Variants in NT5C2 observed in about 807,000 individuals in gnomAD.
The protein encoded by NT5C2 is cytosolic purine 5'-nucleotidase.
A neutral mutation model predicts 76.1 loss-of-function variants in NT5C2; 58 were observed. That is an observed-to-expected ratio of 0.76 (90% CI 0.62 to 0.95). The LOEUF (loss-of-function observed/expected upper bound fraction) is 0.95. Among genes scored for constraint, NT5C2 ranks in the 40% least tolerant of loss-of-function variants. NT5C2 has a pLI of 0.00. For synonymous variants in NT5C2, 229 were observed against 237.4 expected (o/e 0.96, Z 0.32); for missense variants, 478 against 690.3 (o/e 0.69, Z 3.45).
intron 6 of NT5C2, among the ~76,000 whole-genome samples, chr10:103,102,940 C>G (rs559113523): frequency 6.6e-6 from 1 of 151,554 alleles, no homozygotes; most frequent in South Asian, 2.1e-4. Context: ...GATGAAACCA[C>G]TTAGTGTGCA....
chr10:103,092,344 T>A (rs1228971255), intron 15 of NT5C2, among the ~76,000 whole-genome samples: 1 of 138,250 alleles, frequency 7.2e-6, no homozygotes, highest in Non-Finnish European at 1.6e-5. Flanking sequence ...GAGCCTTGGT[T>A]GAGAAAGGCT....
chr10:103,095,459 C>A (rs1475147633), intron 12 of NT5C2, among the ~76,000 whole-genome samples: 1 of 152,158 alleles, frequency 6.6e-6, no homozygotes, highest in South Asian at 2.1e-4. Context: ...TAAGTGCAGC[C>A]GTACTGCAGA....
At chr10:103,150,146 G>A (rs931727778) in intron 3 of NT5C2, among the ~76,000 whole-genome samples, 5 of 152,110 alleles carry the variant, frequency 3.3e-5, no homozygotes, top group African/African-American at 1.2e-4. Context: ...ATACACTCAT[G>A]CAACAACTAC....
At position 103,181,286 on chromosome 10, in the gene NT5C2, A is replaced by G. The variant is rs1012513209; in HGVS notation, c.-126T>C. 1 of 151,606 alleles carries G rather than the reference A, an allele frequency of 6.6e-6. No individual in the cohort carries two copies. The highest frequency in any genetic ancestry group is 2.4e-5 in the African/African-American group (1 of 41,216). The allele number at this position is 151,606 out of a possible 1,614,324, so 9.4% of individuals were successfully genotyped here. On this transcript the variant is annotated 5_prime_UTR_variant, in exon 2 of 19. Coordinates refer to ENST00000404739, the MANE Select transcript of NT5C2 (RefSeq NM_001351169.2). ...GGCGAATGGATCACTTGACGTCAGGAGATCACATCACTGTACTCCAGCCTG... is the reference window on the plus strand; with the variant it reads ...GGCGAATGGATCACTTGACGTCAGGGGATCACATCACTGTACTCCAGCCTG...
At chr10:103,174,467 A>G (rs767991084) in intron 3 of NT5C2, among the ~76,000 whole-genome samples, 6 of 152,220 alleles carry the variant, frequency 3.9e-5, no homozygotes, top group Non-Finnish European at 5.9e-5. Context: ...GCTACTCAGG[A>G]GGCTGAGGCA....
chr10:103,119,213 T>C (rs1313593870), intron 4 of NT5C2, among the ~76,000 whole-genome samples: 1 of 151,988 alleles, frequency 6.6e-6, no homozygotes, highest in Non-Finnish European at 1.5e-5. Flanking sequence ...CTACTAAAAA[T>C]ACAAAATTAG....
intron 4 of NT5C2, among the ~76,000 whole-genome samples, chr10:103,108,576 A>G (rs2072031970): frequency 6.6e-6 from 1 of 152,240 alleles, no homozygotes. Flanking sequence ...GTGGCCTTTA[A>G]GAGACAGGGA....
At chr10:103,173,727 C>T (rs894511435) in intron 3 of NT5C2, among the ~76,000 whole-genome samples, 2 of 149,778 alleles carry the variant, frequency 1.3e-5, no homozygotes, top group Non-Finnish European at 3.0e-5. Context: ...GAGTTCAAAA[C>T]CAGCCTGGCC....
intron 6 of NT5C2, among the ~76,000 whole-genome samples, chr10:103,104,620 A>C (rs1474883848): frequency 2.6e-5 from 4 of 152,234 alleles, no homozygotes; most frequent in Non-Finnish European, 1.5e-5. Context: ...CAGATGTGTC[A>C]AGATGGGTGT....
intron 8 of NT5C2, chr10:103,100,537 A>G: frequency 2.6e-6 from 1 of 390,042 alleles, no homozygotes; most frequent in Non-Finnish European, 5.1e-6. Context: ...AGTATTGGCT[A>G]TATAATTCTC....
chr10:103,108,162 A>AAAAAG (rs1263341625), intron 4 of NT5C2, among the ~76,000 whole-genome samples: 5 of 152,204 alleles, frequency 3.3e-5, no homozygotes, highest in Admixed American at 6.5e-5. Context: ...CAAAAAGAAA[A>AAAAAG]AAAAGAAAAG....
intron 3 of NT5C2, among the ~76,000 whole-genome samples, chr10:103,159,570 A>G (rs905654476): frequency 6.6e-6 from 1 of 151,908 alleles, no homozygotes; most frequent in Admixed American, 6.6e-5. Flanking sequence ...AATCACGTGA[A>G]GCCAGGAGTT....
chr10:103,111,852 A>C, intron 4 of NT5C2: 14 of 1,149,742 alleles, frequency 1.2e-5, no homozygotes, highest in Non-Finnish European at 1.5e-5. Context: ...ACAAAAACAA[A>C]AGCTGGTTTT....
At chr10:103,091,727 C>T (rs1419951701) in intron 15 of NT5C2, 112 bp from the exon 16 acceptor site, 4 of 823,916 alleles carry the variant, frequency 4.9e-6, no homozygotes, top group Non-Finnish European at 6.2e-6. Context: ...GAACCTGGGA[C>T]TAACATGCTG....
At chr10:103,118,734 TTTG>T (rs1240436517) in intron 4 of NT5C2, among the ~76,000 whole-genome samples, 4 of 152,230 alleles carry the variant, frequency 2.6e-5, no homozygotes, top group Non-Finnish European at 5.9e-5. Context: ...AGATTTTTAC[TTTG>T]TTTAGTTTTA....
At chr10:103,147,410 G>C (rs986899390) in intron 3 of NT5C2, among the ~76,000 whole-genome samples, 9 of 152,280 alleles carry the variant, frequency 5.9e-5, no homozygotes, top group African/African-American at 2.2e-4. Context: ...GGCCACCTCA[G>C]TTATCTCTAA....
At chr10:103,131,482 G>A (rs370358526) in intron 4 of NT5C2, among the ~76,000 whole-genome samples, 14 of 152,306 alleles carry the variant, frequency 9.2e-5, no homozygotes, top group African/African-American at 3.1e-4. Flanking sequence ...TGGGATTAGT[G>A]CCCTTATAAA....
intron 4 of NT5C2, among the ~76,000 whole-genome samples, chr10:103,136,322 CAG>C (rs2079225383): frequency 6.6e-6 from 1 of 152,206 alleles, no homozygotes; most frequent in Non-Finnish European, 1.5e-5. Flanking sequence ...CTTGATGTCT[CAG>C]AGTCATATGT....
At chr10:103,183,283 A>G (rs1407330472) in intron 1 of NT5C2, among the ~76,000 whole-genome samples, 2 of 130,348 alleles carry the variant, frequency 1.5e-5, no homozygotes, top group African/African-American at 5.7e-5. Context: ...ATATATATAT[A>G]TATATATATA....
Sources: allele counts gnomAD v4.1 joint callset (sites outside exome capture counted in the v4.1 genomes callset), GRCh38; gene constraint gnomAD v4.1.1; transcripts MANE v1.5; gene names NCBI Gene and HGNC (gene_info 2026-07-23, HGNC 2026-07-21).